The following DEUP1 variants were observed in gnomAD, a reference collection of about 807,000 sequenced individuals.
DEUP1 encodes the protein coiled-coil domain containing 67.
A neutral mutation model predicts 87.4 loss-of-function variants in DEUP1; 82 were observed. The ratio of observed to expected loss-of-function variants is 0.94; its 90% CI spans 0.78 to 1.13. The LOEUF is 1.13. DEUP1 is among the 50% of genes most tolerant of loss of function. The pLI, the probability that DEUP1 is intolerant of heterozygous loss-of-function variation, is 0.00. For missense variants in DEUP1, 663 were observed against 681.5 expected, an observed-to-expected ratio of 0.97 and a Z score of 0.30; for synonymous variants, 214 against 222.7, an observed-to-expected ratio of 0.96 and a Z score of 0.35.
chr11:93,382,834 A>G (rs1946360187), intron 7 of DEUP1, among the ~76,000 whole-genome samples: 1 of 152,202 alleles, frequency 6.6e-6, no homozygotes, highest in Non-Finnish European at 1.5e-5. Flanking sequence ...GAAATGTTTA[A>G]TCTTGCCTGA....
Position 93,407,048 on chromosome 11 carries a change from A to G in DEUP1, c.1327-1183A>G, listed in dbSNP as rs569733227. 1.6e-4 allele frequency among the ~76,000 whole-genome samples: 25 copies of G among 152,180 alleles called. No homozygotes were observed. The South Asian group carries it at 5.2e-3, about 32-fold the overall frequency. On this transcript the variant is annotated intron_variant, in intron 11 of 13. Coordinates refer to ENST00000298050, the MANE Select transcript of DEUP1 (RefSeq NM_181645.4). The stretch of plus-strand genomic sequence containing the variant: ...AGTGGTGGGTATTTATGAGATTGAA[A>G]TGTATAAGATTTATAGGGGAGGGGG...
chr11:93,403,250 G>A (rs1230266145), intron 11 of DEUP1, among the ~76,000 whole-genome samples: 1 of 151,848 alleles, frequency 6.6e-6, no homozygotes, highest in East Asian at 1.9e-4. Context: ...AACTTTATGA[G>A]TTGTTTAGAA....
At chr11:93,402,545 T>C (rs1255886017) in intron 11 of DEUP1, among the ~76,000 whole-genome samples, 1 of 151,988 alleles carries the variant, frequency 6.6e-6, no homozygotes, top group Non-Finnish European at 1.5e-5. Flanking sequence ...ATAAAAGAGA[T>C]ACCTGCACTC....
At chr11:93,415,205 C>T (rs12290433) in intron 13 of DEUP1, 91 bp downstream of exon 13, 238,888 of 751,696 alleles carry the variant, frequency 0.32, 41,159 homozygotes, top group African/African-American at 0.57. Context: ...CATAGTAGTT[C>T]GTTTGTTTTT....
At chr11:93,332,903 A>T (rs1943562489) in intron 2 of DEUP1, among the ~76,000 whole-genome samples, 1 of 152,204 alleles carries the variant, frequency 6.6e-6, no homozygotes, top group Admixed American at 6.5e-5. Context: ...CTGGCTGAAC[A>T]CAGAGTTTGG....
intron 5 of DEUP1, among the ~76,000 whole-genome samples, chr11:93,368,380 A>C (rs998382095): frequency 1.3e-5 from 2 of 152,240 alleles, no homozygotes; most frequent in African/African-American, 2.4e-5. Flanking sequence ...CACTGCTATA[A>C]TGAACTACCT....
intron 11 of DEUP1, among the ~76,000 whole-genome samples, chr11:93,400,889 A>T (rs971522883): frequency 6.6e-6 from 1 of 152,132 alleles, no homozygotes; most frequent in African/African-American, 2.4e-5. Context: ...TCTGGAATAA[A>T]ATAAGGATGC....
intron 4 of DEUP1, 150 bp from the exon 5 acceptor site, chr11:93,364,010 T>C: frequency 3.3e-6 from 2 of 601,524 alleles, no homozygotes; most frequent in Non-Finnish European, 5.8e-6. Flanking sequence ...TAATAACTGG[T>C]TCTGTCTTCA....
At chr11:93,416,276 G>C in intron 13 of DEUP1, among the ~76,000 whole-genome samples, 1 of 152,082 alleles carries the variant, frequency 6.6e-6, no homozygotes. Context: ...AAAATTGATA[G>C]ACTGCTAACA....
At chr11:93,404,342 AT>A (rs1487994771) in intron 11 of DEUP1, among the ~76,000 whole-genome samples, 1 of 151,998 alleles carries the variant, frequency 6.6e-6, no homozygotes, top group Non-Finnish European at 1.5e-5. Flanking sequence ...TGTATTATTA[AT>A]TTTTCTTTTA....
chr11:93,346,113 G>GT, intron 2 of DEUP1, among the ~76,000 whole-genome samples: 1 of 152,114 alleles, frequency 6.6e-6, no homozygotes, highest in Non-Finnish European at 1.5e-5. Context: ...TGAATAAGGA[G>GT]TTTTTCCCCA....
At chr11:93,378,160 A>G (rs573034955) in intron 7 of DEUP1, among the ~76,000 whole-genome samples, 1 of 152,316 alleles carries the variant, frequency 6.6e-6, no homozygotes, top group South Asian at 2.1e-4. Flanking sequence ...ATCTCTAGCA[A>G]GGCCAGGGAA....
In DEUP1 at chr11:93,347,750, C is replaced by T. The variant is rs550961308; in HGVS notation, c.30-7621C>T. Among the ~76,000 whole-genome samples the T allele has an allele frequency of 1.3e-3, 193 of 151,642 alleles. 1 individual carries two copies. Among genetic ancestry groups the T allele is most frequent in the African/African-American group, 4.4e-3 (183 of 41,362 alleles). Reference sequence around the variant, plus strand: ...GGGGGGGTTTTGTTTTTTGTTTTTTCGTTTTTTTAGGCGGAGTCTTGCTTT... The same window carrying T: ...GGGGGGGTTTTGTTTTTTGTTTTTTTGTTTTTTTAGGCGGAGTCTTGCTTT... On this transcript the variant is annotated intron_variant, in intron 2 of 13. Transcript: ENST00000298050.
At chr11:93,363,176 G>C (rs1053756900) in intron 4 of DEUP1, among the ~76,000 whole-genome samples, 1 of 151,864 alleles carries the variant, frequency 6.6e-6, no homozygotes, top group African/African-American at 2.4e-5. Context: ...CAAAATTATA[G>C]AGATGGAAAA....
intron 4 of DEUP1, among the ~76,000 whole-genome samples, chr11:93,363,217 G>A (rs1945258963): frequency 6.6e-6 from 1 of 151,840 alleles, no homozygotes; most frequent in Non-Finnish European, 1.5e-5. Context: ...ATTAGGGGTT[G>A]GGGGATGAGG....
intron 11 of DEUP1, among the ~76,000 whole-genome samples, chr11:93,399,580 T>A (rs936410925): frequency 1.3e-4 from 19 of 151,796 alleles, no homozygotes; most frequent in African/African-American, 4.6e-4. Context: ...AAATAAAAAA[T>A]AAAATAAATA....
intron 13 of DEUP1, among the ~76,000 whole-genome samples, chr11:93,427,642 A>T (rs1947966098): frequency 6.6e-6 from 1 of 151,154 alleles, no homozygotes; most frequent in Non-Finnish European, 1.5e-5. Context: ...AATTAAACTA[A>T]AGAGCTTCTG....
intron 2 of DEUP1, among the ~76,000 whole-genome samples, chr11:93,338,370 C>T (rs549780986): frequency 6.6e-6 from 1 of 151,862 alleles, no homozygotes; most frequent in South Asian, 2.1e-4. Context: ...CAGGGACAAG[C>T]ACAGTGCCTG....
At chr11:93,372,520 G>A (rs1294603386) in intron 7 of DEUP1, among the ~76,000 whole-genome samples, 1 of 152,020 alleles carries the variant, frequency 6.6e-6, no homozygotes, top group Non-Finnish European at 1.5e-5. Flanking sequence ...TTCCCCCACC[G>A]TGCCACATCA....
Sources: gnomAD v4.1 joint callset for allele counts (sites outside exome capture counted in the v4.1 genomes callset) on GRCh38, gnomAD v4.1.1 for gene constraint, MANE v1.5 for transcripts, NCBI Gene and HGNC (gene_info 2026-07-23, HGNC 2026-07-21) for gene names.